C8orf34: variants seen among roughly 807,000 people sequenced by gnomAD.
The protein encoded by C8orf34 is chromosome 8 open reading frame 34.
A neutral mutation model predicts 68.3 loss-of-function variants in C8orf34; 65 were observed. That is an observed-to-expected ratio of 0.95 (90% CI 0.78 to 1.17). C8orf34 has a LOEUF of 1.17. Among genes scored for constraint, C8orf34 ranks in the 50% most tolerant of loss-of-function variants. The pLI, the probability that C8orf34 is intolerant of heterozygous loss-of-function variation, is 0.00. For missense variants in C8orf34, 664 were observed against 655.4 expected (o/e 1.01, Z -0.14); for synonymous variants, 244 against 241.2 (o/e 1.01, Z -0.11).
Position 68,331,141 on chromosome 8 carries a change from C to T in C8orf34, c.129C>T (p.Ser43=), listed in dbSNP as rs1805562966. ...ATHARGRGRA[S]HAGQPRLRSS... ...ACGCCCGCGGCCGGGGCCGAGCCAG[C>T]CACGCAGGGCAGCCGAGGCTCCGGA... The change falls in exon 1 of 14, where the codon AGC becomes AGT. Residue 43 remains serine (S), a synonymous_variant. Transcript: ENST00000518698. 2.0e-6 allele frequency: 3 copies of T among 1,520,448 alleles called. No individual in the cohort carries two copies. Among genetic ancestry groups the T allele is most frequent in the Non-Finnish European group, 2.6e-6 (3 of 1,138,142 alleles). The allele number at this position is 1,520,448 out of a possible 1,614,324, so 94.2% of individuals were successfully genotyped here.
At chr8:68,806,038 T>C (rs1305338685) in intron 12 of C8orf34, among the ~76,000 whole-genome samples, 3 of 152,220 alleles carry the variant, frequency 2.0e-5, no homozygotes, top group Middle Eastern at 3.5e-3. Context: ...TGCAACAATG[T>C]ATTGTTTAAT....
At chr8:68,700,776 C>A (rs1330658949) in intron 8 of C8orf34, among the ~76,000 whole-genome samples, 1 of 151,994 alleles carries the variant, frequency 6.6e-6, no homozygotes, top group Non-Finnish European at 1.5e-5. Context: ...ACAGTTTTGA[C>A]TTTTTTAAGG....
intron 1 of C8orf34, among the ~76,000 whole-genome samples, chr8:68,334,463 ATATT>A (rs1440480071): frequency 6.6e-6 from 1 of 151,574 alleles, no homozygotes; most frequent in Non-Finnish European, 1.5e-5. Flanking sequence ...TGGAATATAT[ATATT>A]CCATGTATGT....
intron 1 of C8orf34, among the ~76,000 whole-genome samples, chr8:68,353,091 G>A (rs1806582804): frequency 6.6e-6 from 1 of 152,056 alleles, no homozygotes; most frequent in Non-Finnish European, 1.5e-5. Flanking sequence ...AAATAGAGTA[G>A]GGAAACCCAT....
intron 12 of C8orf34, among the ~76,000 whole-genome samples, chr8:68,794,505 A>ATATATATATTTTTTTTTTTT (rs1313909362): frequency 3.2e-5 from 2 of 62,252 alleles, no homozygotes; most frequent in Non-Finnish European, 5.1e-5. Context: ...ATATATATAT[A>ATATATATATTTTTTTTTTTT]TTTTTTTTTT....
intron 8 of C8orf34, among the ~76,000 whole-genome samples, chr8:68,691,019 C>T (rs542813978): frequency 2.0e-5 from 3 of 151,972 alleles, no homozygotes; most frequent in African/African-American, 4.8e-5. Flanking sequence ...AGAAAGGGGG[C>T]CAGGTCAGTG....
intron 1 of C8orf34, among the ~76,000 whole-genome samples, chr8:68,391,884 A>G (rs1808493265): frequency 6.6e-6 from 1 of 152,152 alleles, no homozygotes; most frequent in Admixed American, 6.5e-5. Context: ...CAAAGAAATC[A>G]CATGGTCACT....
At chr8:68,383,090 A>T (rs1808111979) in intron 1 of C8orf34, among the ~76,000 whole-genome samples, 1 of 152,202 alleles carries the variant, frequency 6.6e-6, no homozygotes, top group African/African-American at 2.4e-5. Flanking sequence ...TGTCAGACCA[A>T]GAATTAGGAA....
intron 7 of C8orf34, among the ~76,000 whole-genome samples, chr8:68,597,186 C>T (rs981015471): frequency 6.6e-6 from 1 of 151,948 alleles, no homozygotes; most frequent in East Asian, 2.0e-4. Context: ...CTCTCATGCT[C>T]CTGAGCATGC....
At chr8:68,662,263 G>C (rs1819701985) in intron 8 of C8orf34, among the ~76,000 whole-genome samples, 1 of 152,188 alleles carries the variant, frequency 6.6e-6, no homozygotes, top group African/African-American at 2.4e-5. Context: ...AGGTGATGCT[G>C]TTGACAATCT....
intron 12 of C8orf34, among the ~76,000 whole-genome samples, chr8:68,809,949 T>C (rs1824596643): frequency 6.6e-6 from 1 of 152,224 alleles, no homozygotes. Flanking sequence ...ATAATACTTT[T>C]TTCTTACTGA....
At chr8:68,390,286 T>C (rs1808428656) in intron 1 of C8orf34, among the ~76,000 whole-genome samples, 2 of 152,140 alleles carry the variant, frequency 1.3e-5, no homozygotes, top group Non-Finnish European at 2.9e-5. Context: ...TTGAATTCCA[T>C]GAACTGAGTT....
At chr8:68,608,362 C>A (rs151264335) in intron 7 of C8orf34, among the ~76,000 whole-genome samples, 3 of 151,786 alleles carry the variant, frequency 2.0e-5, no homozygotes, top group African/African-American at 7.2e-5. Context: ...CTTGAGGAAC[C>A]TCAAGTGAGC....
At chr8:68,478,632 A>T (rs918549213) in intron 4 of C8orf34, among the ~76,000 whole-genome samples, 1 of 152,218 alleles carries the variant, frequency 6.6e-6, no homozygotes, top group South Asian at 2.1e-4. Context: ...GGTTTAATTG[A>T]TTCACAGTCC....
chr8:68,659,383 G>A (rs1374702802), intron 8 of C8orf34, among the ~76,000 whole-genome samples: 1 of 152,106 alleles, frequency 6.6e-6, no homozygotes, highest in African/African-American at 2.4e-5. Flanking sequence ...TTCTGATGCT[G>A]GGAACTTAAT....
chr8:68,466,749 A>ATATGTG lies in C8orf34; in HGVS notation c.608-1940_608-1939insGTGTAT, dbSNP rs1360733951. On this transcript the variant is annotated intron_variant, in intron 3 of 13. Transcript: ENST00000518698. ...TAAACAACGTTGTACATATATATAT[A>ATATGTG]TATATATATATATATAGATGCTTTC... Among the ~76,000 whole-genome samples, 52 of 45,922 alleles carry ATATGTG rather than the reference A, an allele frequency of 1.1e-3. 2 individuals carry two copies. The highest frequency in any genetic ancestry group is 2.8e-3 in the African/African-American group (51 of 18,388). 30.1% of individuals were successfully genotyped at this position (45,922 alleles called of 152,430 possible).
At chr8:68,533,325 A>C in intron 7 of C8orf34, 176 bp downstream of exon 7, 1 of 1,372,872 alleles carries the variant, frequency 7.3e-7, no homozygotes, top group South Asian at 1.9e-5. Context: ...ACTAAATTGA[A>C]ATACCCTAAG....
At position 68,382,166 on chromosome 8, in the gene C8orf34, T is replaced by C. The variant is rs117401117; in HGVS notation, c.327+50827T>C. 3.8e-3 allele frequency among the ~76,000 whole-genome samples: 577 copies of C among 152,360 alleles called. 28 individuals are homozygous for C. In the East Asian group the frequency reaches 0.095, roughly 25 times the overall value. ...TATTTATATTTTGCATCTTTGCAGT[T>C]ATAACCATTGTAGTGGTGGATAAAT... On this transcript the variant is annotated intron_variant, in intron 1 of 13. Coordinates refer to ENST00000518698, the MANE Select transcript of C8orf34 (RefSeq NM_052958.4).
intron 3 of C8orf34, among the ~76,000 whole-genome samples, chr8:68,449,928 T>C (rs1811277134): frequency 6.6e-6 from 1 of 152,154 alleles, no homozygotes; most frequent in Non-Finnish European, 1.5e-5. Context: ...TATGTGATGC[T>C]ATTTGGTAGC....
Sources: allele counts gnomAD v4.1 joint callset (sites outside exome capture counted in the v4.1 genomes callset), GRCh38; gene constraint gnomAD v4.1.1; transcripts MANE v1.5; gene names NCBI Gene and HGNC (gene_info 2026-07-23, HGNC 2026-07-21).